Variants in SGCZ observed in about 807,000 individuals in gnomAD.
SGCZ encodes the protein zeta-sarcoglycan.
A neutral mutation model predicts 41.3 loss-of-function variants in SGCZ; 40 were observed. The ratio of observed to expected loss-of-function variants is 0.97; its 90% confidence interval spans 0.75 to 1.26. The LOEUF (loss-of-function observed/expected upper bound fraction) is 1.26, where lower values mean the gene tolerates loss of function less well. Ranked by LOEUF, SGCZ falls within the 50% of genes most tolerant of loss-of-function variation. SGCZ has a pLI of 0.00. For missense variants in SGCZ, 552 were observed against 369.8 expected (o/e 1.49, Z -4.04); for synonymous variants, 206 against 137.5 (o/e 1.50, Z -3.49).
chr8:14,343,837 C>T (rs186462692), intron 2 of SGCZ, among the ~76,000 whole-genome samples: 88 of 151,760 alleles, frequency 5.8e-4, no homozygotes, highest in Middle Eastern at 3.4e-3. Context: ...GACACTAAAT[C>T]TAGAGTTTAT....
chr8:14,904,956 T>C (rs1332253278), intron 1 of SGCZ, among the ~76,000 whole-genome samples: 1 of 152,002 alleles, frequency 6.6e-6, no homozygotes, highest in Admixed American at 6.6e-5. Context: ...ATTCATATAA[T>C]GTATCTTTGT....
At chr8:14,615,679 A>C (rs1402740467) in intron 1 of SGCZ, among the ~76,000 whole-genome samples, 3 of 152,178 alleles carry the variant, frequency 2.0e-5, no homozygotes, top group Admixed American at 2.0e-4. Context: ...TGTAAGTATT[A>C]AGTTTTGGGG....
rs577432849 is a variant in SGCZ, at chr8:14,281,236, A to G, written c.336+42867T>C. 2.6e-5 allele frequency among the ~76,000 whole-genome samples: 4 copies of G among 152,120 alleles called. No homozygotes were observed. The South Asian group carries it at 8.3e-4, about 31-fold the overall frequency. ...ATAATTGGCACAAAATATATACCTCATTAGTCATTTTAATTAAATGAAATA... is the reference window on the plus strand; with the variant it reads ...ATAATTGGCACAAAATATATACCTCGTTAGTCATTTTAATTAAATGAAATA... On this transcript the variant is annotated intron_variant, in intron 3 of 7. Transcript: ENST00000382080.
chr8:14,587,946 G>C (rs1805114545), intron 1 of SGCZ, among the ~76,000 whole-genome samples: 1 of 152,048 alleles, frequency 6.6e-6, no homozygotes, highest in Non-Finnish European at 1.5e-5. Context: ...CAATTTTATA[G>C]AATACTTCAT....
chr8:15,164,372 A>G (rs565858427), intron 1 of SGCZ, among the ~76,000 whole-genome samples: 1 of 152,006 alleles, frequency 6.6e-6, no homozygotes, highest in Non-Finnish European at 1.5e-5. Flanking sequence ...TCCCCACTCC[A>G]TGACAGAACA....
At chr8:14,429,075 G>A (rs1033923514) in intron 2 of SGCZ, among the ~76,000 whole-genome samples, 6 of 152,294 alleles carry the variant, frequency 3.9e-5, no homozygotes, top group East Asian at 1.9e-4. Flanking sequence ...TGGCACTGAA[G>A]AAACTTGCTG....
At chr8:14,578,396 C>G (rs118101198) in intron 1 of SGCZ, among the ~76,000 whole-genome samples, 51 of 152,296 alleles carry the variant, frequency 3.3e-4, no homozygotes, top group Non-Finnish European at 6.2e-4. Context: ...TCTTCCTCAC[C>G]CCTTTGCAAG....
chr8:14,410,520 T>C (rs1056418348), intron 2 of SGCZ, among the ~76,000 whole-genome samples: 1 of 146,644 alleles, frequency 6.8e-6, no homozygotes, highest in African/African-American at 2.6e-5. Context: ...TGTGAAATGC[T>C]GTGTAATTCT....
At chr8:14,538,502 T>A (rs1417272401) in intron 2 of SGCZ, among the ~76,000 whole-genome samples, 1 of 151,978 alleles carries the variant, frequency 6.6e-6, no homozygotes, top group African/African-American at 2.4e-5. Flanking sequence ...GGCCCTCTTC[T>A]AGGGTTTCTG....
chr8:14,107,492 T>A (rs1802242350), intron 6 of SGCZ, among the ~76,000 whole-genome samples: 1 of 152,218 alleles, frequency 6.6e-6, no homozygotes, highest in South Asian at 2.1e-4. Context: ...TTGTCTGATT[T>A]GCTTCCATAT....
intron 1 of SGCZ, among the ~76,000 whole-genome samples, chr8:14,651,904 G>A (rs529083183): frequency 1.3e-5 from 2 of 151,132 alleles, no homozygotes; most frequent in African/African-American, 2.4e-5. Context: ...TGTTCTGGGG[G>A]AAAAAAAGTA....
intron 4 of SGCZ, among the ~76,000 whole-genome samples, chr8:14,232,156 T>C (rs1049170724): frequency 1.3e-5 from 2 of 151,748 alleles, no homozygotes; most frequent in African/African-American, 2.4e-5. Flanking sequence ...TACATATATA[T>C]TTAATTTCAA....
chr8:14,296,890 C>G (rs1183749705), intron 3 of SGCZ, among the ~76,000 whole-genome samples: 1 of 151,966 alleles, frequency 6.6e-6, no homozygotes, highest in Non-Finnish European at 1.5e-5. Context: ...CAAAAAATTA[C>G]AAGGGAAAAT....
chr8:14,714,940 G>T (rs1809639350), intron 1 of SGCZ, among the ~76,000 whole-genome samples: 1 of 152,070 alleles, frequency 6.6e-6, no homozygotes, highest in Non-Finnish European at 1.5e-5. Context: ...GTGACAGACA[G>T]ATAAGTTGCA....
intron 2 of SGCZ, among the ~76,000 whole-genome samples, chr8:14,335,762 C>T (rs991869133): frequency 6.6e-6 from 1 of 152,124 alleles, no homozygotes; most frequent in African/African-American, 2.4e-5. Context: ...GCGCCATACA[C>T]ATTTCCTTCA....
At chr8:14,921,354 C>T (rs11778267) in intron 1 of SGCZ, among the ~76,000 whole-genome samples, 3 of 152,100 alleles carry the variant, frequency 2.0e-5, no homozygotes, top group African/African-American at 7.2e-5. Context: ...GTTCAAATAT[C>T]AGTTCCTCAC....
At position 14,497,576 on chromosome 8, in the gene SGCZ, G is replaced by C. The variant is rs200750083; in HGVS notation, c.234+57156C>G. Among the ~76,000 whole-genome samples, 13 of 150,140 alleles carry C rather than the reference G, an allele frequency of 8.7e-5. No homozygotes were observed. In the East Asian group the frequency reaches 1.6e-3, roughly 18 times the overall value. On this transcript the variant is annotated intron_variant, in intron 2 of 7. Coordinates refer to ENST00000382080, the MANE Select transcript of SGCZ (RefSeq NM_139167.4). ...TGTGTGCGTATGTGTGTGTGTGTGT[G>C]TCTGTGTGTGTGTGTGTGAGAGAGA...
intron 1 of SGCZ, among the ~76,000 whole-genome samples, chr8:15,074,714 G>A (rs551376424): frequency 5.3e-5 from 8 of 151,924 alleles, no homozygotes; most frequent in African/African-American, 1.9e-4. Context: ...TTCCACATCC[G>A]GCCTTTTCCC....
intron 4 of SGCZ, among the ~76,000 whole-genome samples, chr8:14,166,519 C>T (rs372478177): frequency 2.6e-5 from 4 of 152,054 alleles, no homozygotes; most frequent in South Asian, 2.1e-4. Flanking sequence ...CCCTGAACTG[C>T]CTGAAAGGTA....
Sources: gnomAD v4.1 joint callset for allele counts (sites outside exome capture counted in the v4.1 genomes callset) on GRCh38, gnomAD v4.1.1 for gene constraint, MANE v1.5 for transcripts, NCBI Gene and HGNC (gene_info 2026-07-23, HGNC 2026-07-21) for gene names.